The following CAMKMT variants were observed in gnomAD, a reference collection of about 807,000 sequenced individuals.
CAMKMT encodes calmodulin-lysine N-methyltransferase.
In CAMKMT, 53 loss-of-function variants were observed where a neutral mutation model predicts 48.0. The ratio of observed to expected loss-of-function variants is 1.10; its 90% CI spans 0.89 to 1.39. CAMKMT has a LOEUF of 1.39. CAMKMT is among the 40% of genes most tolerant of loss of function. CAMKMT has a pLI of 0.00. For missense variants in CAMKMT, 428 were observed against 402.7 expected, an observed-to-expected ratio of 1.06 and a Z score of -0.54; for synonymous variants, 165 against 152.3, an observed-to-expected ratio of 1.08 and a Z score of -0.61.
chr2:44,559,201 G>A (rs78559239), intron 3 of CAMKMT, among the ~76,000 whole-genome samples: 4,173 of 152,212 alleles, frequency 0.027, 182 homozygotes, highest in African/African-American at 0.095. Flanking sequence ...CACACTATTT[G>A]CAGAATCATG....
intron 3 of CAMKMT, among the ~76,000 whole-genome samples, chr2:44,534,047 C>G (rs1029426517): frequency 6.6e-6 from 1 of 152,014 alleles, no homozygotes; most frequent in Non-Finnish European, 1.5e-5. Flanking sequence ...ATATTCCATG[C>G]AAACAGAAAC....
intron 3 of CAMKMT, among the ~76,000 whole-genome samples, chr2:44,668,230 T>C (rs969268213): frequency 9.2e-5 from 14 of 152,212 alleles, no homozygotes; most frequent in Admixed American, 5.9e-4. Context: ...TCATTTCCCA[T>C]CACTAGAGCC....
At chr2:44,637,697 T>A (rs561427267) in intron 3 of CAMKMT, among the ~76,000 whole-genome samples, 3 of 152,202 alleles carry the variant, frequency 2.0e-5, no homozygotes, top group Admixed American at 2.0e-4. Flanking sequence ...CTATTAGTAA[T>A]CCTAAACCCA....
intron 1 of CAMKMT, chr2:44,370,081 A>T (rs1260467897): frequency 6.6e-6 from 1 of 152,142 alleles, no homozygotes; most frequent in Non-Finnish European, 1.5e-5. Context: ...TTAAGAGTTT[A>T]GGGTCTGTAG....
intron 3 of CAMKMT, among the ~76,000 whole-genome samples, chr2:44,441,186 C>A (rs146081596): frequency 6.6e-6 from 1 of 152,240 alleles, no homozygotes; most frequent in East Asian, 1.9e-4. Flanking sequence ...TATGCCAAGT[C>A]TTTTTTTCAG....
At chr2:44,456,208 G>A (rs552588858) in intron 3 of CAMKMT, among the ~76,000 whole-genome samples, 13 of 152,230 alleles carry the variant, frequency 8.5e-5, no homozygotes, top group South Asian at 8.3e-4. Context: ...ATTTATGTGC[G>A]TGAGTATGAA....
intron 3 of CAMKMT, among the ~76,000 whole-genome samples, chr2:44,673,813 T>A (rs1339814906): frequency 6.6e-6 from 1 of 152,134 alleles, no homozygotes; most frequent in African/African-American, 2.4e-5. Flanking sequence ...AGTGACAGCA[T>A]AAGTTACAAA....
intron 3 of CAMKMT, among the ~76,000 whole-genome samples, chr2:44,663,720 T>C (rs1674804126): frequency 6.6e-6 from 1 of 152,186 alleles, no homozygotes; most frequent in Admixed American, 6.5e-5. Flanking sequence ...CCCTCTTCAG[T>C]CTCCTAAACT....
At chr2:44,402,067 C>T (rs765690259) in intron 3 of CAMKMT, among the ~76,000 whole-genome samples, 15 of 152,078 alleles carry the variant, frequency 9.9e-5, no homozygotes, top group Non-Finnish European at 2.2e-4. Context: ...TGGCTCACGC[C>T]TATAGTCCCA....
intron 3 of CAMKMT, among the ~76,000 whole-genome samples, chr2:44,668,117 T>C (rs1675108203): frequency 6.6e-6 from 1 of 152,232 alleles, no homozygotes; most frequent in African/African-American, 2.4e-5. Context: ...CCCTGGTAAA[T>C]TTGTTCTTCA....
chr2:44,599,976 T>G (rs926123216), intron 3 of CAMKMT, among the ~76,000 whole-genome samples: 2 of 152,138 alleles, frequency 1.3e-5, no homozygotes, highest in African/African-American at 2.4e-5. Flanking sequence ...TAAAGTACTT[T>G]ATTTTGCAGT....
chr2:44,482,987 A>G (rs1488411258), intron 3 of CAMKMT, among the ~76,000 whole-genome samples: 2 of 152,166 alleles, frequency 1.3e-5, no homozygotes, highest in African/African-American at 4.8e-5. Flanking sequence ...CTGTATTACA[A>G]AGAATCATGA....
rs117735982 is a variant in CAMKMT at position 44,368,473 on chromosome 2, C to T, written c.139-4243C>T. Among the ~76,000 whole-genome samples, 33 of 152,248 alleles carry T rather than the reference C, an allele frequency of 2.2e-4. 1 individual carries two copies. In the East Asian group the frequency reaches 6.4e-3, roughly 29 times the overall value. On this transcript the variant is annotated intron_variant, in intron 1 of 10. Coordinates refer to ENST00000378494, the MANE Select transcript of CAMKMT (RefSeq NM_024766.5). ...TGTCTTATTTGTTCTAAATATGTTG[C>T]CTGTTACTTTCATTGAGTATTAGCT... is the stretch of plus-strand genomic sequence containing the variant.
At chr2:44,395,297 A>T (rs1446845467) in intron 3 of CAMKMT, among the ~76,000 whole-genome samples, 1 of 152,180 alleles carries the variant, frequency 6.6e-6, no homozygotes, top group Non-Finnish European at 1.5e-5. Context: ...TATATAATGC[A>T]TATATGTAGC....
At chr2:44,375,501 G>A (rs373056251) in intron 2 of CAMKMT, among the ~76,000 whole-genome samples, 10 of 152,044 alleles carry the variant, frequency 6.6e-5, no homozygotes, top group African/African-American at 2.4e-4. Context: ...CTCTCACCAG[G>A]CTGTGCATAA....
chr2:44,596,012 G>C (rs1670633440), intron 3 of CAMKMT, among the ~76,000 whole-genome samples: 1 of 151,888 alleles, frequency 6.6e-6, no homozygotes, highest in East Asian at 1.9e-4. Flanking sequence ...GGGAGGAGTA[G>C]CATTAGGAGA....
At chr2:44,567,342 G>A (rs1254571120) in intron 3 of CAMKMT, among the ~76,000 whole-genome samples, 2 of 152,184 alleles carry the variant, frequency 1.3e-5, no homozygotes. Flanking sequence ...GGACCACAGA[G>A]CAGTGGGTGA....
At chr2:44,647,331 G>T (rs559104510) in intron 3 of CAMKMT, among the ~76,000 whole-genome samples, 1 of 152,072 alleles carries the variant, frequency 6.6e-6, no homozygotes, top group Non-Finnish European at 1.5e-5. Context: ...AAAGTGTCAC[G>T]TTGGTTTATC....
At chr2:44,701,990 TTGTA>T (rs1259677918) in intron 3 of CAMKMT, among the ~76,000 whole-genome samples, 1 of 152,108 alleles carries the variant, frequency 6.6e-6, no homozygotes, top group Non-Finnish European at 1.5e-5. Context: ...ACTTTGTTCT[TTGTA>T]TGTAATTTTG....
Sources: gnomAD v4.1 joint callset for allele counts (sites outside exome capture counted in the v4.1 genomes callset) on GRCh38, gnomAD v4.1.1 for gene constraint, MANE v1.5 for transcripts, NCBI Gene and HGNC (gene_info 2026-07-23, HGNC 2026-07-21) for gene names.